Variants in ANKS1B observed in about 807,000 individuals in gnomAD.
ANKS1B encodes ankyrin repeat and sterile alpha motif domain containing 1B.
A neutral mutation model predicts 148.3 loss-of-function variants in ANKS1B; 36 were observed. The ratio of observed to expected loss-of-function variants is 0.24; its 90% CI spans 0.19 to 0.32. The LOEUF (loss-of-function observed/expected upper bound fraction) is 0.32. Ranked by LOEUF, ANKS1B falls within the 10% of genes least tolerant of loss-of-function variation. ANKS1B has a pLI of 1.00. For synonymous variants in ANKS1B, 542 were observed against 560.8 expected (o/e 0.97, Z 0.47); for missense variants, 1,157 against 1,542.6 (o/e 0.75, Z 4.19).
chr12:99,256,952 T>G (rs1449576808), intron 12 of ANKS1B, among the ~76,000 whole-genome samples: 1 of 152,114 alleles, frequency 6.6e-6, no homozygotes. Context: ...TTTAAAAAAA[T>G]TATTTCATCC....
chr12:99,223,178 C>T (rs1418089938), intron 14 of ANKS1B, among the ~76,000 whole-genome samples: 1 of 151,992 alleles, frequency 6.6e-6, no homozygotes, highest in Non-Finnish European at 1.5e-5. Context: ...TATTCTTTTC[C>T]CCTTTCCTAC....
intron 17 of ANKS1B, among the ~76,000 whole-genome samples, chr12:99,004,193 A>T (rs2099934736): frequency 6.6e-6 from 1 of 152,174 alleles, no homozygotes; most frequent in African/African-American, 2.4e-5. Context: ...ATGACCTCCC[A>T]GCTGATTGTT....
intron 14 of ANKS1B, among the ~76,000 whole-genome samples, chr12:99,244,012 G>A (rs2089853034): frequency 6.6e-6 from 1 of 150,846 alleles, no homozygotes; most frequent in South Asian, 2.1e-4. Flanking sequence ...AGCACTTAAA[G>A]TATAATAATA....
At chr12:99,558,725 G>T (rs1036868120) in intron 9 of ANKS1B, among the ~76,000 whole-genome samples, 15 of 152,192 alleles carry the variant, frequency 9.9e-5, no homozygotes, top group Non-Finnish European at 2.1e-4. Flanking sequence ...GGGGCACTCA[G>T]ATTGGACTGG....
chr12:99,336,708 TC>T (rs1186204151), intron 12 of ANKS1B, among the ~76,000 whole-genome samples: 2 of 152,148 alleles, frequency 1.3e-5, no homozygotes, highest in Non-Finnish European at 2.9e-5. Flanking sequence ...GGTTCTCTAT[TC>T]TGTTCCATGT....
At chr12:98,818,274 G>A (rs2099158307) in intron 19 of ANKS1B, among the ~76,000 whole-genome samples, 1 of 151,676 alleles carries the variant, frequency 6.6e-6, no homozygotes, top group Non-Finnish European at 1.5e-5. Context: ...GAAGTCCTCG[G>A]CTACTAAAGT....
At chr12:99,689,547 T>C (rs936647619) in intron 8 of ANKS1B, among the ~76,000 whole-genome samples, 12 of 152,210 alleles carry the variant, frequency 7.9e-5, no homozygotes, top group Non-Finnish European at 1.6e-4. Context: ...AAAGAAGTTA[T>C]GTAGATGTAA....
intron 1 of ANKS1B, among the ~76,000 whole-genome samples, chr12:99,959,408 A>G (rs1372887612): frequency 6.6e-6 from 1 of 151,898 alleles, no homozygotes; most frequent in Non-Finnish European, 1.5e-5. Flanking sequence ...AATATAATTC[A>G]TTTAGACTTC....
At chr12:98,774,686 T>A (rs2098649605) in intron 24 of ANKS1B, among the ~76,000 whole-genome samples, 1 of 152,202 alleles carries the variant, frequency 6.6e-6, no homozygotes, top group Admixed American at 6.5e-5. Flanking sequence ...TGTACAGCCA[T>A]CAATGCCTAA....
chr12:99,565,818 T>C (rs1469343997), intron 9 of ANKS1B, among the ~76,000 whole-genome samples: 1 of 152,192 alleles, frequency 6.6e-6, no homozygotes, highest in Non-Finnish European at 1.5e-5. Context: ...GGGTCTTCCA[T>C]GGATTTCACA....
At chr12:98,809,795 G>A (rs2099080230) in intron 19 of ANKS1B, among the ~76,000 whole-genome samples, 1 of 152,114 alleles carries the variant, frequency 6.6e-6, no homozygotes. Context: ...TTAAAATTGA[G>A]TTTCTGACCA....
intron 14 of ANKS1B, among the ~76,000 whole-genome samples, chr12:99,186,578 C>T (rs781089809): frequency 8.5e-5 from 13 of 152,164 alleles, no homozygotes; most frequent in South Asian, 4.1e-4. Flanking sequence ...CAGCCTCTGC[C>T]GCTGATACCC....
intron 17 of ANKS1B, among the ~76,000 whole-genome samples, chr12:98,879,765 C>A (rs189162741): frequency 6.6e-6 from 1 of 152,298 alleles, no homozygotes; most frequent in Admixed American, 6.5e-5. Context: ...TTTAGGCTTT[C>A]AGTCACCCTG....
intron 1 of ANKS1B, among the ~76,000 whole-genome samples, chr12:99,903,156 A>G (rs940962369): frequency 6.6e-6 from 1 of 152,200 alleles, no homozygotes; most frequent in African/African-American, 2.4e-5. Flanking sequence ...ATGTTTTGAG[A>G]AAAAGAGGAA....
intron 8 of ANKS1B, among the ~76,000 whole-genome samples, chr12:99,717,610 A>C (rs1174765791): frequency 2.6e-5 from 4 of 152,138 alleles, no homozygotes; most frequent in Admixed American, 2.6e-4. Context: ...ACTCTGGCCC[A>C]AGGCTCTCTG....
At chr12:99,316,962 G>T (rs536094406) in intron 12 of ANKS1B, among the ~76,000 whole-genome samples, 1 of 152,050 alleles carries the variant, frequency 6.6e-6, no homozygotes, top group Non-Finnish European at 1.5e-5. Flanking sequence ...TCAGGTTTGT[G>T]AAAGATCAGA....
At chr12:99,845,812 T>C (rs2086577061) in intron 1 of ANKS1B, among the ~76,000 whole-genome samples, 1 of 152,092 alleles carries the variant, frequency 6.6e-6, no homozygotes, top group South Asian at 2.1e-4. Context: ...AACTCTTCTT[T>C]GTATCTCTGG....
chr12:98,978,487 T>A (rs1022896178), intron 17 of ANKS1B, among the ~76,000 whole-genome samples: 3 of 152,172 alleles, frequency 2.0e-5, no homozygotes, highest in African/African-American at 7.2e-5. Context: ...AAACTGTGTG[T>A]GTGTGCGTGT....
intron 8 of ANKS1B, among the ~76,000 whole-genome samples, chr12:99,715,142 A>C (rs2057140928): frequency 1.0e-5 from 1 of 96,484 alleles, no homozygotes; most frequent in South Asian, 3.3e-4. Context: ...ATAAAAAATA[A>C]TAAATAAATA....
Sources: gnomAD v4.1 joint callset for allele counts (sites outside exome capture counted in the v4.1 genomes callset) on GRCh38, gnomAD v4.1.1 for gene constraint, MANE v1.5 for transcripts, NCBI Gene and HGNC (gene_info 2026-07-23, HGNC 2026-07-21) for gene names.